SNTG1: variants seen among roughly 807,000 people sequenced by gnomAD.
SNTG1 encodes gamma-1-syntrophin.
A neutral mutation model predicts 74.7 loss-of-function variants in SNTG1; 39 were observed. That is an observed-to-expected ratio of 0.52 (90% CI 0.40 to 0.68). The LOEUF is 0.68. Among genes scored for constraint, SNTG1 ranks in the 30% least tolerant of loss-of-function variants. SNTG1 has a pLI of 0.00. For missense variants in SNTG1, 685 were observed against 609.5 expected (o/e 1.12, Z -1.30); for synonymous variants, 254 against 217.1 (o/e 1.17, Z -1.49).
intron 1 of SNTG1, among the ~76,000 whole-genome samples, chr8:50,101,718 C>T (rs1331658058): frequency 6.6e-6 from 1 of 151,926 alleles, no homozygotes; most frequent in African/African-American, 2.4e-5. Context: ...CTCCTCCCAC[C>T]CCACAACAGT....
At chr8:50,760,942 G>C (rs918147404) in intron 18 of SNTG1, among the ~76,000 whole-genome samples, 1 of 151,892 alleles carries the variant, frequency 6.6e-6, no homozygotes, top group Admixed American at 6.6e-5. Flanking sequence ...GCTACCAGAG[G>C]TACAAAGAAG....
chr8:50,355,123 CT>C (rs2091781696), intron 2 of SNTG1, among the ~76,000 whole-genome samples: 1 of 152,128 alleles, frequency 6.6e-6, no homozygotes, highest in Non-Finnish European at 1.5e-5. Flanking sequence ...CACTCCTACA[CT>C]ATTTCCTTAA....
chr8:50,740,363 GA>G (rs58639766), intron 17 of SNTG1, among the ~76,000 whole-genome samples: 196 of 139,100 alleles, frequency 1.4e-3, no homozygotes, highest in Admixed American at 4.4e-3. Flanking sequence ...AAAAACATAT[GA>G]AAAAAAAAAA....
chr8:50,078,284 C>T (rs918791182), intron 1 of SNTG1, among the ~76,000 whole-genome samples: 4 of 152,054 alleles, frequency 2.6e-5, no homozygotes, highest in Admixed American at 1.3e-4. Flanking sequence ...ACTTTATGTT[C>T]AGTTTGTCAA....
At chr8:50,702,273 T>C (rs10109742) in intron 15 of SNTG1, among the ~76,000 whole-genome samples, 146,997 of 152,272 alleles carry the variant, frequency 0.97, 70,986 homozygotes, top group East Asian at 1. Flanking sequence ...AAAGTATTTA[T>C]AATTTATCAT....
chr8:50,221,709 T>C (rs961760250), intron 2 of SNTG1, among the ~76,000 whole-genome samples: 2 of 152,290 alleles, frequency 1.3e-5, no homozygotes, highest in South Asian at 2.1e-4. Flanking sequence ...TGCATTTATT[T>C]ATGGAGTACA....
chr8:50,399,704 A>T (rs373927402), intron 3 of SNTG1, among the ~76,000 whole-genome samples: 52 of 151,174 alleles, frequency 3.4e-4, no homozygotes, highest in Non-Finnish European at 6.8e-4. Flanking sequence ...TTCCCCCCTC[A>T]AAAAGGATGC....
chr8:50,049,889 A>G (rs1819422483), intron 1 of SNTG1, among the ~76,000 whole-genome samples: 1 of 152,058 alleles, frequency 6.6e-6, no homozygotes, highest in South Asian at 2.1e-4. Context: ...AGAAATTTAA[A>G]AATATTTTGA....
chr8:50,769,838 CA>C (rs992860528), intron 18 of SNTG1, among the ~76,000 whole-genome samples: 7 of 151,954 alleles, frequency 4.6e-5, no homozygotes, highest in Non-Finnish European at 8.8e-5. Flanking sequence ...AGAGATAAAG[CA>C]AAATTTTATT....
intron 2 of SNTG1, among the ~76,000 whole-genome samples, chr8:50,266,731 AAAG>A (rs200086802): frequency 0.014 from 1,661 of 120,764 alleles, 16 homozygotes; most frequent in Non-Finnish European, 0.02. Context: ...GAAATTAAAT[AAAG>A]CAGTAAACTT....
intron 15 of SNTG1, among the ~76,000 whole-genome samples, chr8:50,671,593 A>G (rs1329246559): frequency 2.0e-5 from 3 of 152,012 alleles, no homozygotes; most frequent in African/African-American, 2.4e-5. Flanking sequence ...TACACTGGTG[A>G]TGGGACTGTA....
At chr8:50,471,302 C>T (rs573806013) in intron 8 of SNTG1, among the ~76,000 whole-genome samples, 1 of 151,406 alleles carries the variant, frequency 6.6e-6, no homozygotes, top group East Asian at 1.9e-4. Context: ...ATAGACATTG[C>T]TTCAATTTTA....
chr8:50,062,383 C>T (rs1237777033), intron 1 of SNTG1, among the ~76,000 whole-genome samples: 5 of 151,944 alleles, frequency 3.3e-5, no homozygotes, highest in Non-Finnish European at 4.4e-5. Flanking sequence ...ATGGATTTGT[C>T]TATTTTTTTT....
rs996507218 is a variant in SNTG1 at position 50,140,953 on chromosome 8, C to T, written c.-102-31608C>T. ...TAATTATATTCTAAATCAGTGTGCTCATTGTCTGGTTTCCAAAGCAACGGC... is the reference window on the plus strand; with the variant it reads ...TAATTATATTCTAAATCAGTGTGCTTATTGTCTGGTTTCCAAAGCAACGGC... On this transcript the variant is annotated intron_variant, in intron 1 of 18. Coordinates refer to ENST00000642720, the MANE Select transcript of SNTG1 (RefSeq NM_018967.5). Among the ~76,000 whole-genome samples, 5 of 152,242 alleles carry T rather than the reference C, an allele frequency of 3.3e-5. No homozygotes were observed. The South Asian group carries it at 6.2e-4, about 19-fold the overall frequency.
intron 12 of SNTG1, among the ~76,000 whole-genome samples, chr8:50,583,013 A>G (rs528512959): frequency 1.3e-5 from 2 of 152,156 alleles, no homozygotes; most frequent in Non-Finnish European, 2.9e-5. Context: ...TGAATTTTAT[A>G]TTTTATGTTC....
intron 1 of SNTG1, among the ~76,000 whole-genome samples, chr8:50,129,647 G>C (rs987755938): frequency 6.6e-6 from 1 of 151,978 alleles, no homozygotes; most frequent in East Asian, 1.9e-4. Flanking sequence ...TTGTGTTATG[G>C]AGAAACCATC....
At chr8:50,476,452 G>A (rs1391204485) in intron 8 of SNTG1, among the ~76,000 whole-genome samples, 2 of 152,070 alleles carry the variant, frequency 1.3e-5, no homozygotes, top group African/African-American at 2.4e-5. Context: ...TGCTACACAT[G>A]TACACTGTAT....
intron 13 of SNTG1, among the ~76,000 whole-genome samples, chr8:50,651,381 AGCC>A (rs1172785551): frequency 6.6e-6 from 1 of 152,144 alleles, no homozygotes; most frequent in African/African-American, 2.4e-5. Flanking sequence ...GCCCAAGGTT[AGCC>A]TTTGTTGAAT....
intron 2 of SNTG1, among the ~76,000 whole-genome samples, chr8:50,368,057 A>C (rs868061943): frequency 7.2e-5 from 11 of 152,174 alleles, no homozygotes; most frequent in African/African-American, 2.7e-4. Context: ...CGGGAGGAAA[A>C]GAGGAGAGCT....
Sources: gnomAD v4.1 joint callset for allele counts (sites outside exome capture counted in the v4.1 genomes callset) on GRCh38, gnomAD v4.1.1 for gene constraint, MANE v1.5 for transcripts, NCBI Gene and HGNC (gene_info 2026-07-23, HGNC 2026-07-21) for gene names.